CHRNB3: variants seen among roughly 807,000 people sequenced by gnomAD.
CHRNB3 encodes the protein neuronal acetylcholine receptor subunit beta-3.
In CHRNB3, 37 loss-of-function variants were observed where a neutral mutation model predicts 40.6. That is an observed-to-expected ratio of 0.91 (90% CI 0.70 to 1.20). CHRNB3 has a LOEUF of 1.20. Ranked by LOEUF, CHRNB3 falls within the 50% of genes most tolerant of loss-of-function variation. The probability of loss-of-function intolerance (pLI) is 0.00; values close to 1 mark genes in which losing one functional copy is unlikely to be tolerated. For missense variants in CHRNB3, 505 were observed against 551.2 expected (o/e 0.92, Z 0.84); for synonymous variants, 207 against 207.1 (o/e 1.00, Z 0.00).
intron 3 of CHRNB3, among the ~76,000 whole-genome samples, chr8:42,721,236 T>G (rs573471707): frequency 1.3e-5 from 2 of 152,322 alleles, no homozygotes; most frequent in South Asian, 4.1e-4. Context: ...AAAAGAGAAC[T>G]TATTAGCTTT....
At chr8:42,721,413 T>G (rs954003658) in intron 3 of CHRNB3, among the ~76,000 whole-genome samples, 7 of 151,990 alleles carry the variant, frequency 4.6e-5, no homozygotes, top group African/African-American at 1.7e-4. Flanking sequence ...GATGTCTACA[T>G]CAACTCCAGA....
chr8:42,716,184 C>G (rs1401251006), intron 3 of CHRNB3, among the ~76,000 whole-genome samples: 3 of 152,012 alleles, frequency 2.0e-5, no homozygotes, highest in Admixed American at 2.0e-4. Flanking sequence ...ATCATGTTGG[C>G]CAGGCTGGCC....
At chr8:42,730,094 G>A (rs1034540930) in intron 3 of CHRNB3, among the ~76,000 whole-genome samples, 5 of 152,166 alleles carry the variant, frequency 3.3e-5, no homozygotes, top group Non-Finnish European at 7.3e-5. Flanking sequence ...AAGTTCTAAT[G>A]TGATCAAGAA....
Position 42,731,966 on chromosome 8 carries a change from A to ATC in CHRNB3, c.660_661dup (p.Pro221LeufsTer10). On this transcript the variant is annotated frameshift_variant, in exon 5 of 6. Coordinates refer to ENST00000289957, the MANE Select transcript of CHRNB3 (RefSeq NM_000749.5). LOFTEE classifies it high-confidence loss of function. ...AACAGAAGGGACGGCGTGTACTCCT[A>ATC]TCCCTTTATCACGTATTCCTTCGTC... is the stretch of plus-strand genomic sequence containing the variant. 6.2e-7 allele frequency: 1 copy of ATC among 1,614,040 alleles called. No individual in the cohort carries two copies.
At chr8:42,730,421 T>C (rs964084322) in intron 3 of CHRNB3, among the ~76,000 whole-genome samples, 173 bp from the exon 4 acceptor site, 1 of 152,178 alleles carries the variant, frequency 6.6e-6, no homozygotes, top group Non-Finnish European at 1.5e-5. Flanking sequence ...GAGGCCAGGC[T>C]GGCTCAAGGT....
chr8:42,720,896 G>C (rs1441717792), intron 3 of CHRNB3, among the ~76,000 whole-genome samples: 1 of 152,240 alleles, frequency 6.6e-6, no homozygotes, highest in Non-Finnish European at 1.5e-5. Context: ...CTCCTTTGCA[G>C]GATAGAACTG....
rs1218223411 is a variant in CHRNB3 at position 42,737,353 on chromosome 8, C to T, written c.*735C>T. The T allele has an allele frequency of 6.6e-6, 1 of 152,210 alleles. No individual in the cohort carries two copies. The highest frequency in any genetic ancestry group is 2.4e-5 in the African/African-American group (1 of 41,440). The allele number at this position is 152,210 out of a possible 1,614,324, so 9.4% of individuals were successfully genotyped here. ...CAATAGAAACAAAGCCCTTTGCTAC[C>T]AGAAGTGGATTCATTAATACCCATT... On this transcript the variant is annotated 3_prime_UTR_variant, in exon 6 of 6. Transcript: ENST00000289957.
rs765777297 is a variant in CHRNB3 at position 42,708,877 on chromosome 8, T to A, written c.204+9T>A. 2 of 1,607,810 alleles carry A rather than the reference T, an allele frequency of 1.2e-6. No individual in the cohort carries two copies. Among genetic ancestry groups the A allele is most frequent in the East Asian group, 2.2e-5 (1 of 44,778 alleles). ...CCCAGCTTGTAGATGTGGTGAGTAA[T>A]CCTTGGCACTTGGCTAAAAAGAACA... On this transcript the variant is annotated intron_variant, in intron 2 of 5. Transcript: ENST00000289957.
chr8:42,729,876 A>T (rs1816373911), intron 3 of CHRNB3, among the ~76,000 whole-genome samples: 3 of 152,088 alleles, frequency 2.0e-5, no homozygotes, highest in Admixed American at 2.0e-4. Context: ...TCACAGTCTG[A>T]TCAATTCATG....
intron 5 of CHRNB3, among the ~76,000 whole-genome samples, chr8:42,735,539 G>GCAAAACAAAA (rs377595318): frequency 6.6e-6 from 1 of 152,002 alleles, no homozygotes. Context: ...TCTCAAAAAA[G>GCAAAACAAAA]CAAAACAAAA....
At position 42,697,477 on chromosome 8, in the gene CHRNB3, A is replaced by G. The variant is rs972709420; in HGVS notation, c.-70A>G. ...TGAACCCCTGTATTTTCTTTTCAAA[A>G]CCCCCTTTTCCAGTGGAAATGCTCT... is the stretch of plus-strand genomic sequence containing the variant. On this transcript the variant is annotated 5_prime_UTR_variant, in exon 1 of 6. Coordinates refer to ENST00000289957, the MANE Select transcript of CHRNB3 (RefSeq NM_000749.5). The G allele has an allele frequency of 1.4e-6, 2 of 1,383,306 alleles. No individual in the cohort carries two copies. The highest frequency in any genetic ancestry group is 1.4e-5 in the African/African-American group (1 of 70,246). The allele number at this position is 1,383,306 out of a possible 1,614,324, so 85.7% of individuals were successfully genotyped here.
chr8:42,712,901 G>A (rs113685231), intron 3 of CHRNB3, among the ~76,000 whole-genome samples: 3,663 of 127,548 alleles, frequency 0.029, 160 homozygotes, highest in African/African-American at 0.098. Flanking sequence ...TCACTCTGTC[G>A]CCCAGGCTAG....
At chr8:42,718,290 G>A (rs983311622) in intron 3 of CHRNB3, among the ~76,000 whole-genome samples, 6 of 152,086 alleles carry the variant, frequency 3.9e-5, no homozygotes, top group Non-Finnish European at 8.8e-5. Context: ...AGAGATCCCA[G>A]GGATGTCCCA....
chr8:42,733,894 C>T (rs1165077349), intron 5 of CHRNB3, among the ~76,000 whole-genome samples: 2 of 151,002 alleles, frequency 1.3e-5, no homozygotes, highest in Non-Finnish European at 3.0e-5. Flanking sequence ...CGTGACCAGC[C>T]CATTCTTCTA....
At chr8:42,698,630 A>G (rs1815720566) in intron 1 of CHRNB3, among the ~76,000 whole-genome samples, 1 of 152,238 alleles carries the variant, frequency 6.6e-6, no homozygotes, top group Admixed American at 6.5e-5. Flanking sequence ...TTCTAAATGC[A>G]GAAAGCCTCA....
Position 42,736,698 on chromosome 8 carries a change from C to T in CHRNB3, c.*80C>T, listed in dbSNP as rs747863163. ...CACAGACAGAATCCAAATGCATGTG[C>T]TTGTTCTACGAACCCCGAATGCGTT... is the stretch of plus-strand genomic sequence containing the variant. On this transcript the variant is annotated 3_prime_UTR_variant, in exon 6 of 6. Coordinates refer to ENST00000289957, the MANE Select transcript of CHRNB3 (RefSeq NM_000749.5). 4 of 1,526,470 alleles carry T rather than the reference C, an allele frequency of 2.6e-6. No homozygotes were observed. Among genetic ancestry groups the T allele is most frequent in the Non-Finnish European group, 3.6e-6 (4 of 1,108,188 alleles). 94.6% of individuals were successfully genotyped at this position (1,526,470 alleles called of 1,614,324 possible).
At chr8:42,720,929 G>A (rs983899978) in intron 3 of CHRNB3, among the ~76,000 whole-genome samples, 2 of 152,236 alleles carry the variant, frequency 1.3e-5, no homozygotes. Flanking sequence ...GACCTTCGGT[G>A]CCTGTAGAAG....
At chr8:42,723,378 T>C (rs571196324) in intron 3 of CHRNB3, among the ~76,000 whole-genome samples, 2 of 152,278 alleles carry the variant, frequency 1.3e-5, no homozygotes, top group South Asian at 2.1e-4. Flanking sequence ...TGAAATGAGC[T>C]GCTGTTTAGC....
At chr8:42,717,742 T>A (rs1816142715) in intron 3 of CHRNB3, among the ~76,000 whole-genome samples, 1 of 151,672 alleles carries the variant, frequency 6.6e-6, no homozygotes, top group Admixed American at 6.6e-5. Context: ...GTCTGGGGGG[T>A]TACATGAGAT....
Sources: allele counts gnomAD v4.1 joint callset (sites outside exome capture counted in the v4.1 genomes callset), GRCh38; gene constraint gnomAD v4.1.1; transcripts MANE v1.5; gene names NCBI Gene and HGNC (gene_info 2026-07-23, HGNC 2026-07-21).